Variants in POU3F1 observed in about 807,000 individuals in gnomAD.
POU3F1 encodes the protein POU domain, class 3, transcription factor 1.
In POU3F1, 1 loss-of-function variant was observed where a neutral mutation model predicts 7.6. The observed-to-expected ratio is 0.13, with a 90% CI of 0.05 to 0.62. The LOEUF is 0.62. Among genes scored for constraint, POU3F1 ranks in the 20% least tolerant of loss-of-function variants. The probability of loss-of-function intolerance (pLI) is 0.87; values close to 1 mark genes in which losing one functional copy is unlikely to be tolerated. For missense variants in POU3F1, 505 were observed against 679.3 expected (o/e 0.74, Z 2.85); for synonymous variants, 354 against 339.0 (o/e 1.04, Z -0.49).
Position 38,045,755 on chromosome 1 carries a change from A to C in POU3F1, c.989T>G (p.Leu330Arg), listed in dbSNP as rs1646857129. The C allele has an allele frequency of 6.2e-7, 1 of 1,613,120 alleles. No homozygotes were observed. Among genetic ancestry groups the C allele is most frequent in the East Asian group, 2.2e-5 (1 of 44,792 alleles). Reference protein sequence around the residue: ...TDSSSGSPTNLDKIAAQGRKR... With the variant: ...TDSSSGSPTNRDKIAAQGRKR... The stretch of plus-strand genomic sequence containing the variant: ...GCGGCCCTGCGCCGCGATCTTGTCC[A>C]GGTTGGTGGGGCTGCCGCTGGACGA... The change falls in exon 1 of 1, where the codon CTG becomes CGG. Residue 330 changes from leucine (L) to arginine (R), a missense_variant. Physicochemically the swap from Leu to Arg is moderately radical, Grantham distance 102. Transcript: ENST00000373012. This position sits in a 1 kb window ranked among gnomAD's most constrained non-coding sequence, Gnocchi z 9.4.
At position 38,046,114 on chromosome 1, in the gene POU3F1, G is replaced by T. The variant is rs1286976411; in HGVS notation, c.630C>A (p.Ala210=). Reference sequence around the variant, plus strand: ...GTGCATGTCCGTGTGCGTGTCCGTGGGCGCCCAGATGCGGCGGCGGCGACG... The same window carrying T: ...GTGCATGTCCGTGTGCGTGTCCGTGTGCGCCCAGATGCGGCGGCGGCGACG... ...LEPSPPPHLG[A]HGHAHGHAHA... The change falls in exon 1 of 1, where the codon GCC becomes GCA. Residue 210 remains alanine (A), a synonymous_variant. Coordinates refer to ENST00000373012, the MANE Select transcript of POU3F1 (RefSeq NM_002699.4). This position sits in a 1 kb window ranked among gnomAD's most constrained non-coding sequence, Gnocchi z 9.5. 1.4e-6 allele frequency: 2 copies of T among 1,428,668 alleles called. No homozygotes were observed. The highest frequency in any genetic ancestry group is 1.8e-6 in the Non-Finnish European group (2 of 1,094,680). 88.5% of individuals were successfully genotyped at this position (1,428,668 alleles called of 1,614,324 possible).
chr1:38,046,554 G>GGCCCGC lies in POU3F1; in HGVS notation c.184_189dup (p.Ala62_Gly63dup), dbSNP rs1199540845. On this transcript the variant is annotated inframe_insertion, in exon 1 of 1. Coordinates refer to ENST00000373012, the MANE Select transcript of POU3F1 (RefSeq NM_002699.4). This position sits in a 1 kb window ranked among gnomAD's most constrained non-coding sequence, Gnocchi z 9.5. Reference sequence around the variant, plus strand: ...TGGGGGTGCGCTAGGCCCACGGGGTGGCCCGCGCCCGCGCCCAGCCACTCG... The same window carrying GGCCCGC: ...TGGGGGTGCGCTAGGCCCACGGGGTGGCCCGCGCCCGCGCCCGCGCCCAGCCACTCG... 4 of 1,370,226 alleles carry GGCCCGC rather than the reference G, an allele frequency of 2.9e-6. No homozygotes were observed. Among genetic ancestry groups the GGCCCGC allele is most frequent in the Non-Finnish European group, 3.8e-6 (4 of 1,059,452 alleles). The allele number at this position is 1,370,226 out of a possible 1,614,324, so 84.9% of individuals were successfully genotyped here.
In POU3F1 at chr1:38,046,224, C is replaced by G; in HGVS notation, c.520G>C (p.Gly174Arg). Reference sequence around the variant, plus strand: ...CCGCCACCGCCCGCCGCCAGCATCCCGGCCAGGCCGCCGCCGCCGCCCCCC... The same window carrying G: ...CCGCCACCGCCCGCCGCCAGCATCCGGGCCAGGCCGCCGCCGCCGCCCCCC... ...YPGGGGGGLA[G>R]MLAAGGGGAG... Residue 174 changes from glycine to arginine, a missense_variant, in exon 1 of 1, where the codon GGG (glycine) becomes CGG (arginine). By Grantham distance (125) the Gly-to-Arg change is moderately radical. Coordinates refer to ENST00000373012, the MANE Select transcript of POU3F1 (RefSeq NM_002699.4). The surrounding 1 kb of genome is among the most constrained non-coding windows in gnomAD (Gnocchi z 9.5). 1 of 1,066,956 alleles carries G rather than the reference C, an allele frequency of 9.4e-7. No individual in the cohort carries two copies. Among genetic ancestry groups the G allele is most frequent in the Non-Finnish European group, 1.1e-6 (1 of 887,658 alleles). 66.1% of individuals were successfully genotyped at this position (1,066,956 alleles called of 1,614,324 possible). A position where few individuals can be genotyped will look rare whatever the true frequency, so the allele number is the denominator to read the frequency against.
chr1:38,044,966 G>A lies in POU3F1; in HGVS notation c.*422C>T, dbSNP rs1252320648. 4.6e-5 allele frequency: 7 copies of A among 152,274 alleles called. No homozygotes were observed. Among genetic ancestry groups the A allele is most frequent in the Admixed American group, 1.3e-4 (2 of 15,290 alleles). 9.4% of individuals were successfully genotyped at this position (152,274 alleles called of 1,614,324 possible). On this transcript the variant is annotated 3_prime_UTR_variant, in exon 1 of 1. Transcript: ENST00000373012. ...AGGCTCAGGAGTCCACGCGGGGAGAGGGGATGGAGAACTCTCCTCGCTTCG... is the reference window on the plus strand; with the variant it reads ...AGGCTCAGGAGTCCACGCGGGGAGAAGGGATGGAGAACTCTCCTCGCTTCG...
chr1:38,046,147 C>T lies in POU3F1; in HGVS notation c.597G>A (p.Gln199=). Reference sequence around the variant, plus strand: ...GATGCGGCGGCGGCGACGGCTCCAGCTGCGCCTCGTGGCCATCCTCGTGCA... The same window carrying T: ...GATGCGGCGGCGGCGACGGCTCCAGTTGCGCCTCGTGGCCATCCTCGTGCA... The part of the protein sequence containing the change: ...HALHEDGHEA[Q]LEPSPPPHLG... Residue 199 remains glutamine, a synonymous_variant, in exon 1 of 1, where the codon CAG becomes CAA. Transcript: ENST00000373012. The surrounding 1 kb of genome is among the most constrained non-coding windows in gnomAD (Gnocchi z 9.5). 1 of 1,399,844 alleles carries T rather than the reference C, an allele frequency of 7.1e-7. No individual in the cohort carries two copies. Among genetic ancestry groups the T allele is most frequent in the South Asian group, 1.4e-5 (1 of 69,420 alleles). 86.7% of individuals were successfully genotyped at this position (1,399,844 alleles called of 1,614,324 possible).
chr1:38,045,300 A>T lies in POU3F1; in HGVS notation c.*88T>A. 2.5e-6 allele frequency: 1 copy of T among 402,540 alleles called. No individual in the cohort carries two copies. The allele number at this position is 402,540 out of a possible 1,614,324, so 24.9% of individuals were successfully genotyped here. ...CTTTTTTTTTTTTTTGTAAAATCCA[A>T]AGCAACCGAACAAAAAGAGTCCAGG... On this transcript the variant is annotated 3_prime_UTR_variant, in exon 1 of 1. Transcript: ENST00000373012. This position sits in a 1 kb window ranked among gnomAD's most constrained non-coding sequence, Gnocchi z 9.4.
chr1:38,045,775 G>A lies in POU3F1; in HGVS notation c.969C>T (p.Ser323=), dbSNP rs771819187. The change falls in exon 1 of 1, where the codon TCC becomes TCT. Residue 323 remains serine, a synonymous_variant. Transcript: ENST00000373012. This position sits in a 1 kb window ranked among gnomAD's most constrained non-coding sequence, Gnocchi z 9.4. ...TGTCCAGGTTGGTGGGGCTGCCGCTGGACGAGTCGGTCTCCTCCAGCCACT... is the reference window on the plus strand; with the variant it reads ...TGTCCAGGTTGGTGGGGCTGCCGCTAGACGAGTCGGTCTCCTCCAGCCACT... ...LNKWLEETDS[S]SGSPTNLDKI... 3 of 1,613,770 alleles carry A rather than the reference G, an allele frequency of 1.9e-6. No individual in the cohort carries two copies. Among genetic ancestry groups the A allele is most frequent in the Non-Finnish European group, 2.5e-6 (3 of 1,179,918 alleles).
At position 38,045,343 on chromosome 1, in the gene POU3F1, G is replaced by C; in HGVS notation, c.*45C>G. On this transcript the variant is annotated 3_prime_UTR_variant, in exon 1 of 1. Transcript: ENST00000373012. The surrounding 1 kb of genome is among the most constrained non-coding windows in gnomAD (Gnocchi z 9.4). ...AGTCCAGGCCGCGCGGGCGGGCTGC[G>C]CGCCCGCGCCCTGCAGCGCGCCGGC... 1 of 891,290 alleles carries C rather than the reference G, an allele frequency of 1.1e-6. No individual in the cohort carries two copies. The highest frequency in any genetic ancestry group is 1.4e-6 in the Non-Finnish European group (1 of 713,600). 55.2% of individuals were successfully genotyped at this position (891,290 alleles called of 1,614,324 possible).
chr1:38,046,009 C>A lies in POU3F1; in HGVS notation c.735G>T (p.Ser245=). Residue 245 remains serine (S), a synonymous_variant, in exon 1 of 1, where the codon TCG becomes TCT. Coordinates refer to ENST00000373012, the MANE Select transcript of POU3F1 (RefSeq NM_002699.4). The surrounding 1 kb of genome is among the most constrained non-coding windows in gnomAD (Gnocchi z 9.5). ...GGGGSSVGEH[S]DEDAPSSDDL... Reference sequence around the variant, plus strand: ...CGTCCGAGCTGGGCGCATCCTCGTCCGAGTGCTCGCCCACCGATGAGCCGC... The same window carrying A: ...CGTCCGAGCTGGGCGCATCCTCGTCAGAGTGCTCGCCCACCGATGAGCCGC... The A allele has an allele frequency of 1.2e-6, 2 of 1,605,200 alleles. No homozygotes were observed. The highest frequency in any genetic ancestry group is 1.7e-6 in the Non-Finnish European group (2 of 1,177,566).
chr1:38,046,191 GC>G lies in POU3F1; in HGVS notation c.552del (p.Pro185ArgfsTer117). On this transcript the variant is annotated frameshift_variant, in exon 1 of 1. Transcript: ENST00000373012. LOFTEE classifies it low-confidence loss of function (END_TRUNC). The surrounding 1 kb of genome is among the most constrained non-coding windows in gnomAD (Gnocchi z 9.5). ...GMLAAGGGGAGPGLHHALHED... is the reference protein window; with the variant it reads ...GMLAAGGGGAXPGLHHALHED... ...TCGTGCAGCGCGTGGTGCAGGCCCG[GC>G]CCCGCGCCGCCACCGCCCGCCGCCA... 8.8e-7 allele frequency: 1 copy of G among 1,132,072 alleles called. No homozygotes were observed. 70.1% of individuals were successfully genotyped at this position (1,132,072 alleles called of 1,614,324 possible).
At position 38,045,275 on chromosome 1, in the gene POU3F1, CTTT is replaced by C. The variant is rs35099707; in HGVS notation, c.*110_*112del. 42 of 261,492 alleles carry C rather than the reference CTTT, an allele frequency of 1.6e-4. No individual in the cohort carries two copies. The highest frequency in any genetic ancestry group is 1.5e-3 in the Middle Eastern group (1 of 670). 16.2% of individuals were successfully genotyped at this position (261,492 alleles called of 1,614,324 possible). On this transcript the variant is annotated 3_prime_UTR_variant, in exon 1 of 1. Coordinates refer to ENST00000373012, the MANE Select transcript of POU3F1 (RefSeq NM_002699.4). The surrounding 1 kb of genome is among the most constrained non-coding windows in gnomAD (Gnocchi z 9.4). ...TTGGTTTTGTTCGAAAGTTTCTGGG[CTTT>C]TTTTTTTTTTTGTAAAATCCAAAGC...
At position 38,044,616 on chromosome 1, in the gene POU3F1, T is replaced by C. The variant is rs991245077; in HGVS notation, c.*772A>G. 3 of 148,704 alleles carry C rather than the reference T, an allele frequency of 2.0e-5. No individual in the cohort carries two copies. Among genetic ancestry groups the C allele is most frequent in the African/African-American group, 7.4e-5 (3 of 40,404 alleles). 9.2% of individuals were successfully genotyped at this position (148,704 alleles called of 1,614,324 possible). On this transcript the variant is annotated 3_prime_UTR_variant, in exon 1 of 1. Transcript: ENST00000373012. ...GTTAGTTTTTTTTTTTTTTTTTTGC[T>C]TTTTTTTGGGGGGAGGGTAGGGTAG...
In POU3F1 at chr1:38,046,677, T is replaced by G; in HGVS notation, c.67A>C (p.Met23Leu). The G allele has an allele frequency of 8.1e-7, 1 of 1,234,002 alleles. No homozygotes were observed. The highest frequency in any genetic ancestry group is 1.0e-6 in the Non-Finnish European group (1 of 992,114). 76.4% of individuals were successfully genotyped at this position (1,234,002 alleles called of 1,614,324 possible). Residue 23 changes from methionine (M) to leucine (L), a missense_variant, in exon 1 of 1, where the codon ATG (methionine) becomes CTG (leucine). By Grantham distance (15) the Met-to-Leu change is conservative. Transcript: ENST00000373012. The surrounding 1 kb of genome is among the most constrained non-coding windows in gnomAD (Gnocchi z 9.5). ...GCCGCCGCCGCGGCGTCCGGGTGCA[T>G]AAGCGGCCCGGTGCCCCCGGCTCCG... is the stretch of plus-strand genomic sequence containing the variant. ...GGGAGGTGPL[M>L]HPDAAAAAAA...
rs947045363 is a variant in POU3F1 at position 38,044,769 on chromosome 1, A to C, written c.*619T>G. ...ATAAATACAGTATACTGCGATTTAA[A>C]TTAAGGGCGCGGGCGGAGTTAGAAG... On this transcript the variant is annotated 3_prime_UTR_variant, in exon 1 of 1. Coordinates refer to ENST00000373012, the MANE Select transcript of POU3F1 (RefSeq NM_002699.4). The C allele has an allele frequency of 6.6e-6, 1 of 152,318 alleles. No homozygotes were observed. The highest frequency in any genetic ancestry group is 1.5e-5 in the Non-Finnish European group (1 of 68,024). The allele number at this position is 152,318 out of a possible 1,614,324, so 9.4% of individuals were successfully genotyped here.
Position 38,046,243 on chromosome 1 carries a change from GC to G in POU3F1, c.500del (p.Gly167AlafsTer135). On this transcript the variant is annotated frameshift_variant, in exon 1 of 1. Coordinates refer to ENST00000373012, the MANE Select transcript of POU3F1 (RefSeq NM_002699.4). LOFTEE classifies it low-confidence loss of function (END_TRUNC). The surrounding 1 kb of genome is among the most constrained non-coding windows in gnomAD (Gnocchi z 9.5). ...GCATCCCGGCCAGGCCGCCGCCGCC[GC>G]CCCCCGGGTAGGCCGCCTGCGCGTA... Reference protein sequence around the residue: ...GLYAQAAYPGGGGGGLAGMLA... With the variant: ...GLYAQAAYPGXGGGGLAGMLA... 7 of 1,062,942 alleles carry G rather than the reference GC, an allele frequency of 6.6e-6. No individual in the cohort carries two copies. Among genetic ancestry groups the G allele is most frequent in the East Asian group, 7.6e-5 (1 of 13,186 alleles). 65.8% of individuals were successfully genotyped at this position (1,062,942 alleles called of 1,614,324 possible). A position where few individuals can be genotyped will look rare whatever the true frequency, so the allele number is the denominator to read the frequency against.
Position 38,045,449 on chromosome 1 carries a change from G to T in POU3F1, c.1295C>A (p.Pro432Gln), listed in dbSNP as rs1250677043. The change falls in exon 1 of 1, where the codon CCG (proline) becomes CAG (glutamine). Residue 432 changes from proline to glutamine, a missense_variant. Coordinates refer to ENST00000373012, the MANE Select transcript of POU3F1 (RefSeq NM_002699.4). This position sits in a 1 kb window ranked among gnomAD's most constrained non-coding sequence, Gnocchi z 9.4. ...GTGGTGCAGCGCCGCCGGCGGGGGC[G>T]GTGGGGGCGCGGAGGGTGGCGATGC... is the stretch of plus-strand genomic sequence containing the variant. The part of the protein sequence containing the change: ...GGASPPSAPP[P>Q]PPPAALHHHH... 4.3e-5 allele frequency: 62 copies of T among 1,443,042 alleles called. No individual in the cohort carries two copies. Among genetic ancestry groups the T allele is most frequent in the Non-Finnish European group, 5.2e-5 (58 of 1,106,956 alleles). 89.4% of individuals were successfully genotyped at this position (1,443,042 alleles called of 1,614,324 possible). A position where few individuals can be genotyped will look rare whatever the true frequency, so the allele number is the denominator to read the frequency against.
Position 38,045,373 on chromosome 1 carries a change from G to T in POU3F1, c.*15C>A. On this transcript the variant is annotated 3_prime_UTR_variant, in exon 1 of 1. Transcript: ENST00000373012. This position sits in a 1 kb window ranked among gnomAD's most constrained non-coding sequence, Gnocchi z 9.4. ...CGCGCCCTGCAGCGCGCCGGCGGGG[G>T]CCCGGCCCGCGGGGTCACTGCACTG... 2 of 1,176,454 alleles carry T rather than the reference G, an allele frequency of 1.7e-6. No individual in the cohort carries two copies. Among genetic ancestry groups the T allele is most frequent in the Non-Finnish European group, 2.1e-6 (2 of 947,308 alleles). 72.9% of individuals were successfully genotyped at this position (1,176,454 alleles called of 1,614,324 possible).
Position 38,045,263 on chromosome 1 carries a change from A to G in POU3F1, c.*125T>C, listed in dbSNP as rs1228420379. 3.8e-5 allele frequency: 12 copies of G among 318,090 alleles called. No homozygotes were observed. Among genetic ancestry groups the G allele is most frequent in the Non-Finnish European group, 5.6e-5 (12 of 214,598 alleles). The allele number at this position is 318,090 out of a possible 1,614,324, so 19.7% of individuals were successfully genotyped here. ...TCGTCCGGGTGTTTGGTTTTGTTCG[A>G]AAGTTTCTGGGCTTTTTTTTTTTTT... On this transcript the variant is annotated 3_prime_UTR_variant, in exon 1 of 1. Coordinates refer to ENST00000373012, the MANE Select transcript of POU3F1 (RefSeq NM_002699.4). This position sits in a 1 kb window ranked among gnomAD's most constrained non-coding sequence, Gnocchi z 9.4.
At position 38,046,783 on chromosome 1, in the gene POU3F1, G is replaced by A; in HGVS notation, c.-40C>T. 15 of 984,702 alleles carry A rather than the reference G, an allele frequency of 1.5e-5. No homozygotes were observed. Among genetic ancestry groups the A allele is most frequent in the Non-Finnish European group, 1.8e-5 (15 of 830,862 alleles). The allele number at this position is 984,702 out of a possible 1,614,324, so 61.0% of individuals were successfully genotyped here. On this transcript the variant is annotated 5_prime_UTR_variant, in exon 1 of 1. Coordinates refer to ENST00000373012, the MANE Select transcript of POU3F1 (RefSeq NM_002699.4). This position sits in a 1 kb window ranked among gnomAD's most constrained non-coding sequence, Gnocchi z 9.5. ...TGCGCCGCGCCGCCGCCGCCGCTCC[G>A]CTCCGTCTGCGGGCCCCGCCGCCTC...
Sources: allele counts gnomAD v4.1 joint callset, GRCh38; gene constraint gnomAD v4.1.1; non-coding constraint Gnocchi (gnomAD v3.1); transcripts MANE v1.5; gene names NCBI Gene and HGNC (gene_info 2026-07-23, HGNC 2026-07-21).